KIF26B: variants seen among roughly 807,000 people sequenced by gnomAD.
KIF26B encodes kinesin-like protein KIF26B.
A neutral mutation model predicts 151.2 loss-of-function variants in KIF26B; 63 were observed. The ratio of observed to expected loss-of-function variants is 0.42; its 90% CI spans 0.34 to 0.51. The LOEUF is 0.51. Ranked by LOEUF, KIF26B falls within the 20% of genes least tolerant of loss-of-function variation. KIF26B has a pLI of 0.07. For synonymous variants in KIF26B, 1,357 were observed against 1,262.1 expected (o/e 1.08, Z -1.59); for missense variants, 2,813 against 2,913.6 (o/e 0.97, Z 0.79).
chr1:245,277,222 G>T (rs1309148281), intron 2 of KIF26B, among the ~76,000 whole-genome samples: 3 of 152,200 alleles, frequency 2.0e-5, no homozygotes, highest in Admixed American at 1.3e-4. Flanking sequence ...CTCTAAGCCA[G>T]CAGGCTTGTG....
At chr1:245,374,981 C>T (rs1673239551) in intron 3 of KIF26B, among the ~76,000 whole-genome samples, 1 of 152,188 alleles carries the variant, frequency 6.6e-6, no homozygotes, top group Non-Finnish European at 1.5e-5. Context: ...CAACGATGCC[C>T]ACACCCTAAT....
intron 2 of KIF26B, among the ~76,000 whole-genome samples, chr1:245,347,803 A>G (rs572447421): frequency 3.9e-5 from 6 of 152,358 alleles, no homozygotes; most frequent in Non-Finnish European, 7.3e-5. Flanking sequence ...TTTGTAATAG[A>G]TAATAATTGT....
intron 2 of KIF26B, among the ~76,000 whole-genome samples, chr1:245,201,493 C>T (rs1012317082): frequency 6.6e-6 from 1 of 152,138 alleles, no homozygotes; most frequent in Admixed American, 6.6e-5. Flanking sequence ...TTTCTGTGAC[C>T]ACTGGAATTC....
At chr1:245,484,461 C>T (rs1660232524) in intron 4 of KIF26B, among the ~76,000 whole-genome samples, 1 of 151,836 alleles carries the variant, frequency 6.6e-6, no homozygotes, top group South Asian at 2.1e-4. Context: ...TCCCTGGACA[C>T]TGTAACTTCT....
intron 10 of KIF26B, among the ~76,000 whole-genome samples, chr1:245,658,121 G>A (rs12758002): frequency 0.3 from 46,282 of 152,034 alleles, 8,766 homozygotes; most frequent in Non-Finnish European, 0.42. Context: ...TGAACGTTAC[G>A]TAAATGAAAT....
At chr1:245,199,630 C>T (rs1314952538) in intron 2 of KIF26B, among the ~76,000 whole-genome samples, 1 of 152,130 alleles carries the variant, frequency 6.6e-6, no homozygotes, top group Non-Finnish European at 1.5e-5. Context: ...AGGCATGCGC[C>T]ACCATGCCCG....
At chr1:245,349,642 G>A (rs1284796642) in intron 2 of KIF26B, among the ~76,000 whole-genome samples, 1 of 150,774 alleles carries the variant, frequency 6.6e-6, no homozygotes, top group African/African-American at 2.4e-5. Context: ...GAATGCCTCA[G>A]TAATACTGGC....
intron 4 of KIF26B, among the ~76,000 whole-genome samples, chr1:245,435,828 G>C (rs1207695803): frequency 1.3e-5 from 2 of 152,166 alleles, no homozygotes; most frequent in African/African-American, 4.8e-5. Flanking sequence ...GGGAACAAAG[G>C]ACACTTGCCC....
chr1:245,442,054 G>T (rs72761191), intron 4 of KIF26B, among the ~76,000 whole-genome samples: 1 of 152,176 alleles, frequency 6.6e-6, no homozygotes, highest in African/African-American at 2.4e-5. Context: ...GTGAGCACTT[G>T]CTAGGTGCCA....
At chr1:245,575,368 G>A (rs997810927) in intron 5 of KIF26B, among the ~76,000 whole-genome samples, 2 of 151,730 alleles carry the variant, frequency 1.3e-5, no homozygotes, top group Admixed American at 1.3e-4. Flanking sequence ...TCAGCTACTC[G>A]GGAGGCTGAG....
chr1:245,434,084 A>G (rs1658844858), intron 4 of KIF26B, among the ~76,000 whole-genome samples: 1 of 152,130 alleles, frequency 6.6e-6, no homozygotes, highest in Admixed American at 6.5e-5. Flanking sequence ...TTTTTCTCTA[A>G]TAAGTTTCCA....
Position 245,495,882 on chromosome 1 carries a change from A to C in KIF26B, c.1167-44885A>C, listed in dbSNP as rs1388829805. Among the ~76,000 whole-genome samples, 1 of 152,234 alleles carries C rather than the reference A, an allele frequency of 6.6e-6. No homozygotes were observed. Among genetic ancestry groups the C allele is most frequent in the African/African-American group, 2.4e-5 (1 of 41,472 alleles). On this transcript the variant is annotated intron_variant, in intron 4 of 14. Coordinates refer to ENST00000407071, the MANE Select transcript of KIF26B (RefSeq NM_018012.4). The surrounding 1 kb of genome is among the most constrained non-coding windows in gnomAD (Gnocchi z 4.2). The stretch of plus-strand genomic sequence containing the variant: ...CTAAGACAGTAACTCATTTCTCAAC[A>C]GAAACAATGGATGCCAAGAGACAAT...
intron 4 of KIF26B, among the ~76,000 whole-genome samples, chr1:245,507,740 G>C (rs1660752613): frequency 6.6e-6 from 1 of 152,096 alleles, no homozygotes; most frequent in South Asian, 2.1e-4. Context: ...TCCCAGCCAG[G>C]CCACCCCAAA....
At chr1:245,659,180 G>T (rs1419275696) in intron 10 of KIF26B, among the ~76,000 whole-genome samples, 1 of 152,146 alleles carries the variant, frequency 6.6e-6, no homozygotes, top group Non-Finnish European at 1.5e-5. Flanking sequence ...TGAGGCTGCA[G>T]TCAGCTATGA....
intron 2 of KIF26B, among the ~76,000 whole-genome samples, chr1:245,321,578 T>C (rs775909724): frequency 6.6e-6 from 1 of 152,240 alleles, no homozygotes; most frequent in Non-Finnish European, 1.5e-5. Context: ...CTAGGCTGTT[T>C]TGTAAATGAT....
At chr1:245,503,018 C>T (rs1422781470) in intron 4 of KIF26B, among the ~76,000 whole-genome samples, 1 of 152,000 alleles carries the variant, frequency 6.6e-6, no homozygotes, top group Admixed American at 6.6e-5. Context: ...TGCGCCACCA[C>T]CCCGGCTAAT....
chr1:245,576,248 G>A (rs1437063734), intron 5 of KIF26B, among the ~76,000 whole-genome samples: 10 of 152,162 alleles, frequency 6.6e-5, no homozygotes, highest in Non-Finnish European at 1.3e-4. Context: ...CAGAGTTACC[G>A]GGACGCAGCG....
In KIF26B at chr1:245,645,193, C is replaced by T. The variant is rs144995310; in HGVS notation, c.2099-928C>T. 4.0e-3 allele frequency among the ~76,000 whole-genome samples: 606 copies of T among 152,226 alleles called. 6 individuals are homozygous for T. Among genetic ancestry groups the T allele is most frequent in the African/African-American group, 0.014 (570 of 41,570 alleles). On this transcript the variant is annotated intron_variant, in intron 9 of 14. Coordinates refer to ENST00000407071, the MANE Select transcript of KIF26B (RefSeq NM_018012.4). ...CACTGAAGATCACACTTCAACACGA[C>T]GCCTGTGATTCTCAGTGTTGGAACC...
chr1:245,688,877 C>T (rs1428211632), intron 12 of KIF26B, 70 bp downstream of exon 12: 1 of 1,481,192 alleles, frequency 6.8e-7, no homozygotes, highest in Non-Finnish European at 9.0e-7. Flanking sequence ...ACCCCACTGC[C>T]AGGGTGTCCC....
Sources: gnomAD v4.1 joint callset for allele counts (sites outside exome capture counted in the v4.1 genomes callset) on GRCh38, gnomAD v4.1.1 for gene constraint, Gnocchi (gnomAD v3.1) non-coding constraint, MANE v1.5 for transcripts, NCBI Gene and HGNC (gene_info 2026-07-23, HGNC 2026-07-21) for gene names.